SNTG1: variants seen among roughly 807,000 people sequenced by gnomAD.
SNTG1 encodes syntrophin gamma 1.
Under a neutral mutation model 74.7 loss-of-function variants are expected in SNTG1, and 39 were observed. The observed-to-expected ratio is 0.52, with a 90% CI of 0.40 to 0.68. SNTG1 has a LOEUF of 0.68. Ranked by LOEUF, SNTG1 falls within the 30% of genes least tolerant of loss-of-function variation. The pLI is 0.00. For missense variants in SNTG1, 685 were observed against 609.5 expected (o/e 1.12, Z -1.30); for synonymous variants, 254 against 217.1 (o/e 1.17, Z -1.49).
rs1277342845 is a variant in SNTG1 at position 50,707,465 on chromosome 8, T to A, written c.1192-1421T>A. 7.9e-5 allele frequency among the ~76,000 whole-genome samples: 12 copies of A among 152,118 alleles called. 1 individual carries two copies. Among genetic ancestry groups the A allele is most frequent in the Admixed American group, 2.6e-4 (4 of 15,278 alleles). ...AGTATGTTCTTTAGTCTGCTTTTTT[T>A]AAAAAAATGTAACTCTAAAAGAATA... On this transcript the variant is annotated intron_variant, in intron 16 of 18. Coordinates refer to ENST00000642720, the MANE Select transcript of SNTG1 (RefSeq NM_018967.5).
intron 13 of SNTG1, among the ~76,000 whole-genome samples, chr8:50,652,756 C>T (rs2095155676): frequency 6.6e-6 from 1 of 151,966 alleles, no homozygotes; most frequent in African/African-American, 2.4e-5. Flanking sequence ...GAGATCACAC[C>T]ACTGTACTCC....
intron 15 of SNTG1, among the ~76,000 whole-genome samples, chr8:50,694,888 T>TAA (rs201393443): frequency 1.4e-3 from 202 of 142,626 alleles, no homozygotes; most frequent in African/African-American, 4.7e-3. Context: ...CTTTTATAAT[T>TAA]AAAAAAAAAA....
rs546513325 is a variant in SNTG1 at position 50,172,940 on chromosome 8, G to C, written c.-28+305G>C. ...GTTTCTTTAATAAGCACTATTTATA[G>C]GAATGAGAAAAATCATTTAGTTTTT... On this transcript the variant is annotated intron_variant, in intron 2 of 18. Transcript: ENST00000642720. 3.3e-5 allele frequency among the ~76,000 whole-genome samples: 5 copies of C among 150,246 alleles called. No homozygotes were observed. The South Asian group carries it at 8.5e-4, about 26-fold the overall frequency.
At chr8:50,329,175 C>T (rs1244660321) in intron 2 of SNTG1, among the ~76,000 whole-genome samples, 1 of 152,180 alleles carries the variant, frequency 6.6e-6, no homozygotes. Flanking sequence ...GATACCCTCC[C>T]CTGGCTGCTT....
intron 8 of SNTG1, among the ~76,000 whole-genome samples, chr8:50,501,601 AT>A (rs560933146): frequency 1.4e-4 from 17 of 125,848 alleles, no homozygotes; most frequent in African/African-American, 4.0e-4. Context: ...AAGACCGGTT[AT>A]TTTTTTTTAT....
At chr8:50,299,173 T>A (rs1218036289) in intron 2 of SNTG1, among the ~76,000 whole-genome samples, 2 of 151,764 alleles carry the variant, frequency 1.3e-5, no homozygotes, top group African/African-American at 2.4e-5. Context: ...GATTTAAGGG[T>A]ACCATGAGAA....
At chr8:50,215,596 CAA>C (rs964004963) in intron 2 of SNTG1, among the ~76,000 whole-genome samples, 17 of 150,826 alleles carry the variant, frequency 1.1e-4, no homozygotes, top group African/African-American at 1.7e-4. Context: ...AGGTTTATAA[CAA>C]AGGTGATAAA....
chr8:50,428,553 T>C (rs1021525727), intron 4 of SNTG1, among the ~76,000 whole-genome samples: 1 of 152,222 alleles, frequency 6.6e-6, no homozygotes, highest in Non-Finnish European at 1.5e-5. Flanking sequence ...GTCTGCATTA[T>C]CTAATGACCT....
At chr8:50,155,846 CA>C (rs1305561670) in intron 1 of SNTG1, among the ~76,000 whole-genome samples, 2 of 151,366 alleles carry the variant, frequency 1.3e-5, no homozygotes, top group African/African-American at 4.8e-5. Flanking sequence ...ATAATAAAGA[CA>C]AAAGTTGTTT....
At chr8:50,241,856 G>A (rs773877682) in intron 2 of SNTG1, among the ~76,000 whole-genome samples, 1 of 152,026 alleles carries the variant, frequency 6.6e-6, no homozygotes, top group Non-Finnish European at 1.5e-5. Flanking sequence ...TAGAACTTGG[G>A]AAGCAATAGG....
intron 1 of SNTG1, among the ~76,000 whole-genome samples, chr8:50,135,320 A>T (rs555932616): frequency 6.6e-6 from 1 of 152,354 alleles, no homozygotes; most frequent in East Asian, 1.9e-4. Flanking sequence ...ATCATGTGGT[A>T]ATAAATACAA....
Position 49,996,371 on chromosome 8 carries a change from GC to G in SNTG1, c.-103+84141del, listed in dbSNP as rs529040097. 2.0e-3 allele frequency among the ~76,000 whole-genome samples: 302 copies of G among 151,518 alleles called. 3 individuals are homozygous for G. Among genetic ancestry groups the G allele is most frequent in the African/African-American group, 7.0e-3 (289 of 41,298 alleles). On this transcript the variant is annotated intron_variant, in intron 1 of 18. Transcript: ENST00000642720. ...AAAATTAAAGAAGAAACAGTAAGAAGCTTTTTTTTTTTACCTCCACAATGTT... is the reference window on the plus strand; with the variant it reads ...AAAATTAAAGAAGAAACAGTAAGAAGTTTTTTTTTTTACCTCCACAATGTT...
intron 1 of SNTG1, among the ~76,000 whole-genome samples, chr8:49,954,747 C>T (rs2129396259): frequency 1.3e-5 from 2 of 152,032 alleles, no homozygotes; most frequent in South Asian, 2.1e-4. Context: ...TTAATGTTTC[C>T]TATTTCTTTT....
intron 1 of SNTG1, among the ~76,000 whole-genome samples, chr8:50,093,394 A>T (rs986739919): frequency 3.3e-5 from 5 of 152,110 alleles, no homozygotes; most frequent in African/African-American, 1.2e-4. Flanking sequence ...CTAATATTAT[A>T]ATATATTTAT....
chr8:50,562,524 G>A (rs1223659402), intron 12 of SNTG1, among the ~76,000 whole-genome samples: 2 of 152,284 alleles, frequency 1.3e-5, no homozygotes, highest in East Asian at 1.9e-4. Context: ...AAGCAGCACA[G>A]CCCTGCCAAC....
chr8:49,948,797 C>CA (rs1487954507), intron 1 of SNTG1, among the ~76,000 whole-genome samples: 1 of 152,170 alleles, frequency 6.6e-6, no homozygotes, highest in Non-Finnish European at 1.5e-5. Flanking sequence ...GGAAGGCTGT[C>CA]AGTCTTTTGC....
chr8:50,210,648 A>C (rs1345914908), intron 2 of SNTG1, among the ~76,000 whole-genome samples: 1 of 152,216 alleles, frequency 6.6e-6, no homozygotes, highest in African/African-American at 2.4e-5. Flanking sequence ...AGTGAAGGAG[A>C]AGTAAATTCC....
intron 4 of SNTG1, among the ~76,000 whole-genome samples, chr8:50,436,490 A>T (rs1259449040): frequency 1.3e-5 from 2 of 151,968 alleles, no homozygotes; most frequent in East Asian, 3.9e-4. Context: ...CTAAATTTCT[A>T]CTCTATGCCA....
chr8:50,619,851 C>G (rs1478708845), intron 13 of SNTG1, among the ~76,000 whole-genome samples: 2 of 151,002 alleles, frequency 1.3e-5, no homozygotes, highest in Admixed American at 1.3e-4. Context: ...GATTTAACCC[C>G]TTTCTATTTG....
Sources: allele counts gnomAD v4.1 joint callset (sites outside exome capture counted in the v4.1 genomes callset), GRCh38; gene constraint gnomAD v4.1.1; transcripts MANE v1.5; gene names NCBI Gene and HGNC (gene_info 2026-07-23, HGNC 2026-07-21).